Variants in GABRG3 observed in about 807,000 individuals in gnomAD.
The protein encoded by GABRG3 is gamma-aminobutyric acid receptor subunit gamma-3.
Under a neutral mutation model 48.8 loss-of-function variants are expected in GABRG3, and 25 were observed. That is an observed-to-expected ratio of 0.51 (90% CI 0.37 to 0.72). GABRG3 has a LOEUF of 0.72. GABRG3 is among the 30% of genes least tolerant of loss of function. The pLI is 0.00. For missense variants in GABRG3, 394 were observed against 577.9 expected (o/e 0.68, Z 3.26); for synonymous variants, 227 against 217.6 (o/e 1.04, Z -0.38).
In GABRG3 at chr15:27,490,306, T is replaced by A. The variant is rs150240498; in HGVS notation, c.712+9519T>A. Among the ~76,000 whole-genome samples, 813 of 152,318 alleles carry A rather than the reference T, an allele frequency of 5.3e-3. 5 individuals are homozygous for A. Among genetic ancestry groups the A allele is most frequent in the East Asian group, 0.025 (132 of 5,180 alleles). The stretch of plus-strand genomic sequence containing the variant: ...AGTGCTTTCAGCAGGATTCAGATTT[T>A]AAAAGTCCACACTGCTTCTGTGCAG... On this transcript the variant is annotated intron_variant, in intron 6 of 9. Coordinates refer to ENST00000615808, the MANE Select transcript of GABRG3 (RefSeq NM_033223.5).
chr15:27,170,936 A>T (rs965659114), intron 3 of GABRG3, among the ~76,000 whole-genome samples: 2 of 152,232 alleles, frequency 1.3e-5, no homozygotes, highest in African/African-American at 4.8e-5. Flanking sequence ...TTTCAAATTG[A>T]AAATATATAA....
At chr15:27,286,827 C>T (rs1200082849) in intron 3 of GABRG3, among the ~76,000 whole-genome samples, 3 of 152,068 alleles carry the variant, frequency 2.0e-5, no homozygotes, top group Non-Finnish European at 2.9e-5. Flanking sequence ...AGGGAGAGCC[C>T]CTCCTTTTTA....
intron 3 of GABRG3, among the ~76,000 whole-genome samples, chr15:27,101,686 C>T (rs1897360147): frequency 1.3e-5 from 2 of 151,942 alleles, no homozygotes; most frequent in African/African-American, 4.8e-5. Context: ...AGGAAGAAGG[C>T]ACTGGAACAA....
chr15:26,996,284 G>A (rs1895338482), intron 2 of GABRG3, among the ~76,000 whole-genome samples: 1 of 151,952 alleles, frequency 6.6e-6, no homozygotes, highest in Non-Finnish European at 1.5e-5. Context: ...AGTGTTTCTT[G>A]TAATGCAGGT....
intron 3 of GABRG3, among the ~76,000 whole-genome samples, chr15:27,287,957 T>G (rs1250574232): frequency 6.6e-6 from 1 of 152,130 alleles, no homozygotes; most frequent in Non-Finnish European, 1.5e-5. Context: ...CAGGATGGTC[T>G]TGATCTCCTG....
In GABRG3 at chr15:27,532,738, T is replaced by C; in HGVS notation, c.1261T>C (p.Tyr421His). The change falls in exon 10 of 10, where the codon TAT (tyrosine) becomes CAT (histidine). Residue 421 changes from tyrosine (Y) to histidine (H), a missense_variant. Transcript: ENST00000615808. ...GKDCQSFFCC[Y>H]EECKSGSWRK... Reference sequence around the variant, plus strand: ...AGACTGTCAGAGCTTCTTCTGCTGCTATGAAGAATGTAAATCAGGATCCTG... The same window carrying C: ...AGACTGTCAGAGCTTCTTCTGCTGCCATGAAGAATGTAAATCAGGATCCTG... 6.2e-7 allele frequency: 1 copy of C among 1,614,036 alleles called. No individual in the cohort carries two copies. Among genetic ancestry groups the C allele is most frequent in the Non-Finnish European group, 8.5e-7 (1 of 1,179,896 alleles).
chr15:27,149,111 C>G (rs374309103), intron 3 of GABRG3, among the ~76,000 whole-genome samples: 1 of 151,848 alleles, frequency 6.6e-6, no homozygotes, highest in Admixed American at 6.6e-5. Context: ...AGCGTCTGCC[C>G]CCTCCAAAAG....
intron 3 of GABRG3, among the ~76,000 whole-genome samples, chr15:27,269,564 C>T (rs1441015185): frequency 6.6e-6 from 1 of 152,212 alleles, no homozygotes; most frequent in Non-Finnish European, 1.5e-5. Flanking sequence ...ATCTCCCTCC[C>T]AGCAAGTTTC....
chr15:27,243,052 T>G (rs1348680539), intron 3 of GABRG3, among the ~76,000 whole-genome samples: 1 of 152,204 alleles, frequency 6.6e-6, no homozygotes. Flanking sequence ...TCACCATAGA[T>G]GATTACGACC....
intron 3 of GABRG3, among the ~76,000 whole-genome samples, chr15:27,138,846 T>C (rs1898053692): frequency 6.6e-6 from 1 of 152,242 alleles, no homozygotes; most frequent in African/African-American, 2.4e-5. Flanking sequence ...TGGGAACTTT[T>C]CTTAATTCCT....
intron 3 of GABRG3, among the ~76,000 whole-genome samples, chr15:27,208,880 A>AT (rs1888970631): frequency 1.3e-5 from 2 of 152,186 alleles, no homozygotes; most frequent in Admixed American, 6.5e-5. Flanking sequence ...TCTGATCTGA[A>AT]TTTTTGGAGG....
At chr15:27,376,952 C>G (rs1895617047) in intron 5 of GABRG3, among the ~76,000 whole-genome samples, 1 of 152,146 alleles carries the variant, frequency 6.6e-6, no homozygotes, top group Non-Finnish European at 1.5e-5. Flanking sequence ...CTTTTATGCT[C>G]TGTTTCCCTT....
intron 3 of GABRG3, among the ~76,000 whole-genome samples, chr15:27,120,942 G>T (rs372044971): frequency 6.6e-6 from 1 of 152,094 alleles, no homozygotes; most frequent in African/African-American, 2.4e-5. Flanking sequence ...TTGCTCAAGC[G>T]TATGCCAAAC....
intron 2 of GABRG3, among the ~76,000 whole-genome samples, chr15:27,004,016 T>A (rs1439983324): frequency 1.7e-5 from 2 of 118,316 alleles, no homozygotes; most frequent in African/African-American, 6.7e-5. Context: ...GGGGCGGCTG[T>A]CCGGGCGGGG....
At position 27,522,552 on chromosome 15, in the gene GABRG3, G is replaced by T. The variant is rs529859164; in HGVS notation, c.865+2428G>T. On this transcript the variant is annotated intron_variant, in intron 7 of 9. Transcript: ENST00000615808. ...AATGTAAGCCATAAATAGCAATGAGGTTGGGGGACATATGGAACTATGTTC... is the reference window on the plus strand; with the variant it reads ...AATGTAAGCCATAAATAGCAATGAGTTTGGGGGACATATGGAACTATGTTC... Among the ~76,000 whole-genome samples the T allele has an allele frequency of 5.2e-4, 79 of 151,868 alleles. 1 individual carries two copies. Among genetic ancestry groups the T allele is most frequent in the Admixed American group, 3.9e-3 (59 of 15,272 alleles).
At position 27,071,206 on chromosome 15, in the gene GABRG3, C is replaced by T. The variant is rs529608373; in HGVS notation, c.270+44385C>T. On this transcript the variant is annotated intron_variant, in intron 3 of 9. Coordinates refer to ENST00000615808, the MANE Select transcript of GABRG3 (RefSeq NM_033223.5). ...CTGTGTTGATATTGTCATTTTGACCCTTTGGGGCCAAAGCTGCTAGGAGCC... is the reference window on the plus strand; with the variant it reads ...CTGTGTTGATATTGTCATTTTGACCTTTTGGGGCCAAAGCTGCTAGGAGCC... Among the ~76,000 whole-genome samples the T allele has an allele frequency of 3.3e-5, 5 of 152,258 alleles. No homozygotes were observed. The East Asian group carries it at 9.7e-4, about 29-fold the overall frequency.
chr15:27,316,387 C>CAAAAAAAAAAAAAAAAAAAA (rs749930128), intron 3 of GABRG3, among the ~76,000 whole-genome samples: 1 of 41,662 alleles, frequency 2.4e-5, no homozygotes. Flanking sequence ...GACTCCGTCT[C>CAAAAAAAAAAAAAAAAAAAA]AAAAAAAAAA....
chr15:27,191,628 G>A (rs1174101457), intron 3 of GABRG3, among the ~76,000 whole-genome samples: 1 of 152,126 alleles, frequency 6.6e-6, no homozygotes, highest in Non-Finnish European at 1.5e-5. Context: ...CTGCATGTGA[G>A]ATGGGTTTCC....
intron 3 of GABRG3, among the ~76,000 whole-genome samples, chr15:27,221,431 G>A (rs763174600): frequency 1.5e-4 from 23 of 151,972 alleles, no homozygotes; most frequent in Non-Finnish European, 2.8e-4. Context: ...GAGGAAATTA[G>A]AAAACAAAAA....
Sources: gnomAD v4.1 joint callset for allele counts (sites outside exome capture counted in the v4.1 genomes callset) on GRCh38, gnomAD v4.1.1 for gene constraint, MANE v1.5 for transcripts, NCBI Gene and HGNC (gene_info 2026-07-23, HGNC 2026-07-21) for gene names.